ESYT2: variants seen among roughly 807,000 people sequenced by gnomAD.
ESYT2 encodes the protein extended synaptotagmin 2.
A neutral mutation model predicts 107.2 loss-of-function variants in ESYT2; 54 were observed. The observed-to-expected ratio is 0.50, with a 90% CI of 0.40 to 0.63. The LOEUF is 0.63. ESYT2 is among the 30% of genes least tolerant of loss of function. The probability of loss-of-function intolerance (pLI) is 0.00; values close to 1 mark genes in which losing one functional copy is unlikely to be tolerated. For synonymous variants in ESYT2, 491 were observed against 434.1 expected (o/e 1.13, Z -1.63); for missense variants, 1,020 against 1,094.5 (o/e 0.93, Z 0.96).
chr7:158,762,815 G>A (rs951899750), intron 10 of ESYT2, among the ~76,000 whole-genome samples: 9 of 152,300 alleles, frequency 5.9e-5, no homozygotes, highest in Middle Eastern at 3.4e-3. Flanking sequence ...CACTCAGATA[G>A]TTTTTAATTT....
rs1462356227 is a variant in ESYT2 at position 158,732,807 on chromosome 7, C to T, written c.*1400G>A. On this transcript the variant is annotated 3_prime_UTR_variant, in exon 23 of 23. Coordinates refer to ENST00000275418, the MANE Select transcript of ESYT2 (RefSeq NM_001367773.1). ...CTATACTTTCCTTAATATATTTACA[C>T]ATAGTTTTAAGATGTTCTCATGGCT... The T allele has an allele frequency of 6.6e-6, 1 of 152,472 alleles. No individual in the cohort carries two copies. The highest frequency in any genetic ancestry group is 6.5e-5 in the Admixed American group (1 of 15,286). 9.4% of individuals were successfully genotyped at this position (152,472 alleles called of 1,614,324 possible). A position where few individuals can be genotyped will look rare whatever the true frequency, so the allele number is the denominator to read the frequency against.
intron 6 of ESYT2, among the ~76,000 whole-genome samples, chr7:158,783,819 G>A (rs956507612): frequency 1.3e-5 from 2 of 152,226 alleles, no homozygotes; most frequent in African/African-American, 4.8e-5. Context: ...ACTTCCCATG[G>A]GGAGGAGCCC....
chr7:158,804,817 C>T (rs1404072218), intron 1 of ESYT2, among the ~76,000 whole-genome samples: 1 of 151,832 alleles, frequency 6.6e-6, no homozygotes, highest in Non-Finnish European at 1.5e-5. Context: ...GTGAAAAACA[C>T]AAGCTGCCGA....
At chr7:158,816,942 G>A (rs1335865772) in intron 1 of ESYT2, among the ~76,000 whole-genome samples, 3 of 152,142 alleles carry the variant, frequency 2.0e-5, no homozygotes, top group East Asian at 1.9e-4. Flanking sequence ...TTTTAGGTAC[G>A]CACTTACTAG....
intron 6 of ESYT2, among the ~76,000 whole-genome samples, chr7:158,785,929 C>T (rs974852264): frequency 6.6e-6 from 1 of 152,128 alleles, no homozygotes; most frequent in Non-Finnish European, 1.5e-5. Flanking sequence ...ATTTAAAAAA[C>T]CCACAAAATA....
intron 1 of ESYT2, among the ~76,000 whole-genome samples, chr7:158,803,283 G>A (rs940716435): frequency 1.3e-5 from 2 of 152,224 alleles, no homozygotes; most frequent in African/African-American, 2.4e-5. Flanking sequence ...ACATCTAAGC[G>A]GGTAGCTTTG....
At chr7:158,738,960 T>A (rs997157861) in intron 19 of ESYT2, 63 bp downstream of exon 19, 67 of 1,487,474 alleles carry the variant, frequency 4.5e-5, no homozygotes, top group Non-Finnish European at 5.8e-5. Flanking sequence ...GGTGTCTACA[T>A]CATCCTATCC....
chr7:158,748,333 A>T, intron 15 of ESYT2, 53 bp from the exon 16 acceptor site: 1 of 1,393,714 alleles, frequency 7.2e-7, no homozygotes. Context: ...GAAAAGGGCT[A>T]CTCATTTTAT....
At chr7:158,763,574 T>C (rs1838052253) in intron 9 of ESYT2, among the ~76,000 whole-genome samples, 1 of 152,166 alleles carries the variant, frequency 6.6e-6, no homozygotes, top group Non-Finnish European at 1.5e-5. Flanking sequence ...GGATTACCAG[T>C]GTGAGCCACC....
At chr7:158,793,760 AGGTT>A (rs1213770523) in intron 3 of ESYT2, 34 bp from the exon 4 acceptor site, 1 of 1,533,986 alleles carries the variant, frequency 6.5e-7, no homozygotes, top group Admixed American at 1.8e-5. Flanking sequence ...TAAGATACAG[AGGTT>A]AAAAAAAAAA....
In ESYT2 at chr7:158,750,140, T is replaced by C. The variant is rs546257079; in HGVS notation, c.1483-417A>G. 3.3e-5 allele frequency among the ~76,000 whole-genome samples: 5 copies of C among 152,244 alleles called. No homozygotes were observed. The South Asian group carries it at 8.3e-4, about 25-fold the overall frequency. On this transcript the variant is annotated intron_variant, in intron 14 of 22. Coordinates refer to ENST00000275418, the MANE Select transcript of ESYT2 (RefSeq NM_001367773.1). The stretch of plus-strand genomic sequence containing the variant: ...AATATTTCTCTGGCGGGAATAAAAA[T>C]AGTACAGAGTGTCAGATACACGGTT...
chr7:158,760,624 T>C (rs1837929221), intron 11 of ESYT2, among the ~76,000 whole-genome samples: 1 of 152,200 alleles, frequency 6.6e-6, no homozygotes. Context: ...CTCCACCAAA[T>C]GGCCTTTAAC....
At chr7:158,820,739 T>C (rs769695078) in intron 1 of ESYT2, among the ~76,000 whole-genome samples, 1 of 152,244 alleles carries the variant, frequency 6.6e-6, no homozygotes, top group Non-Finnish European at 1.5e-5. Flanking sequence ...TGAGCCATGA[T>C]TGTGCCACTG....
At chr7:158,764,592 C>G in intron 9 of ESYT2, 85 bp downstream of exon 9, 1 of 1,379,596 alleles carries the variant, frequency 7.2e-7, no homozygotes, top group Non-Finnish European at 9.9e-7. Context: ...CACACTCCCA[C>G]GTGACTGTGC....
chr7:158,753,222 G>C (rs1290908339), intron 13 of ESYT2, among the ~76,000 whole-genome samples: 2 of 152,116 alleles, frequency 1.3e-5, no homozygotes, highest in Non-Finnish European at 2.9e-5. Flanking sequence ...GGTTTTATTT[G>C]AAGCACAATG....
chr7:158,793,011 G>A (rs956979822), intron 4 of ESYT2, among the ~76,000 whole-genome samples: 13 of 151,776 alleles, frequency 8.6e-5, no homozygotes, highest in East Asian at 1.9e-4. Context: ...CTCGTGATCC[G>A]CCCGCCTCGG....
chr7:158,754,310 G>A (rs548985937), intron 13 of ESYT2, among the ~76,000 whole-genome samples: 11 of 152,234 alleles, frequency 7.2e-5, no homozygotes, highest in Admixed American at 2.6e-4. Context: ...GGGTTCAAGC[G>A]ATTCTCCTCC....
chr7:158,793,020 G>T (rs1437075591), intron 4 of ESYT2, among the ~76,000 whole-genome samples: 2 of 151,858 alleles, frequency 1.3e-5, no homozygotes, highest in Non-Finnish European at 2.9e-5. Flanking sequence ...CGCCCGCCTC[G>T]GCCTTCCAAA....
At chr7:158,806,723 G>A (rs1481107541) in intron 1 of ESYT2, among the ~76,000 whole-genome samples, 2 of 152,278 alleles carry the variant, frequency 1.3e-5, no homozygotes, top group East Asian at 1.9e-4. Context: ...TTTCATAATC[G>A]TGATTTAAGC....
Sources: allele counts gnomAD v4.1 joint callset (sites outside exome capture counted in the v4.1 genomes callset), GRCh38; gene constraint gnomAD v4.1.1; transcripts MANE v1.5; gene names NCBI Gene and HGNC (gene_info 2026-07-23, HGNC 2026-07-21).